The following CNTRL variants were observed in gnomAD, a reference collection of about 807,000 sequenced individuals.
CNTRL encodes centriolin.
A neutral mutation model predicts 303.7 loss-of-function variants in CNTRL; 233 were observed. That is an observed-to-expected ratio of 0.77 (90% confidence interval 0.69 to 0.86). The LOEUF (loss-of-function observed/expected upper bound fraction) is 0.86. Ranked by LOEUF, CNTRL falls within the 40% of genes least tolerant of loss-of-function variation. CNTRL has a pLI of 0.00. For synonymous variants in CNTRL, 900 were observed against 922.2 expected (o/e 0.98, Z 0.44); for missense variants, 2,524 against 2,650.6 (o/e 0.95, Z 1.05).
rs2133524181 is a variant in CNTRL at position 121,125,837 on chromosome 9, G to C, written c.1926G>C (p.Leu642=). The C allele has an allele frequency of 6.2e-7, 1 of 1,614,240 alleles. No homozygotes were observed. Among genetic ancestry groups the C allele is most frequent in the Non-Finnish European group, 8.5e-7 (1 of 1,180,044 alleles). Residue 642 remains leucine (L), a synonymous_variant, in exon 14 of 44, where the codon CTG becomes CTC. Transcript: ENST00000373855. ...AGGCCCAGAATGAGTGCAGGAAGCT[G>C]CGGGATGAGAAAGAGACATTGTTGC... is the stretch of plus-strand genomic sequence containing the variant. ...ATQAQNECRK[L]RDEKETLLQR...
At chr9:121,101,516 C>A (rs1416463155) in intron 7 of CNTRL, among the ~76,000 whole-genome samples, 2 of 152,060 alleles carry the variant, frequency 1.3e-5, no homozygotes, top group African/African-American at 4.8e-5. Context: ...CAAACACATT[C>A]AAAAGCTAGC....
chr9:121,130,836 T>C (rs1451981461), intron 14 of CNTRL, among the ~76,000 whole-genome samples: 4 of 152,262 alleles, frequency 2.6e-5, no homozygotes, highest in Non-Finnish European at 4.4e-5. Context: ...GTTGTGTCTT[T>C]GTTCTCATTG....
chr9:121,129,385 A>C (rs1214814281), intron 14 of CNTRL, among the ~76,000 whole-genome samples: 1 of 151,500 alleles, frequency 6.6e-6, no homozygotes, highest in Non-Finnish European at 1.5e-5. Context: ...TAGGTATTTT[A>C]CTCTCTTTGT....
At chr9:121,121,989 AAGG>A in intron 12 of CNTRL, 2 of 915,210 alleles carry the variant, frequency 2.2e-6, no homozygotes, top group Admixed American at 6.2e-5. Context: ...AAGGACTTAA[AAGG>A]AGGAGGAGTC....
chr9:121,128,746 G>A (rs965011002), intron 14 of CNTRL, among the ~76,000 whole-genome samples: 11 of 152,278 alleles, frequency 7.2e-5, no homozygotes, highest in Admixed American at 5.2e-4. Flanking sequence ...TATTGCCTAG[G>A]TTTTCTTCTA....
At chr9:121,120,704 C>T (rs2050186832) in intron 12 of CNTRL, among the ~76,000 whole-genome samples, 1 of 152,128 alleles carries the variant, frequency 6.6e-6, no homozygotes, top group Non-Finnish European at 1.5e-5. Context: ...TGTTATATTT[C>T]TGGCGGACAG....
chr9:121,138,081 A>G (rs2051292798), intron 15 of CNTRL, among the ~76,000 whole-genome samples: 1 of 152,224 alleles, frequency 6.6e-6, no homozygotes, highest in South Asian at 2.1e-4. Context: ...TGATAAATAC[A>G]GATTCCTTGG....
At position 121,172,644 on chromosome 9, in the gene CNTRL, AAAAAC is replaced by A. The variant is rs199726076; in HGVS notation, c.6418-584_6418-580del. On this transcript the variant is annotated intron_variant, in intron 40 of 43. Transcript: ENST00000373855. ...TGACAGAGCAAGACCCTGTCTTTAA[AAAAAC>A]AAAACAAAACAAAAATGTATATTGC... 8.3e-3 allele frequency among the ~76,000 whole-genome samples: 1,268 copies of A among 152,270 alleles called. 21 individuals carry two copies. Among genetic ancestry groups the A allele is most frequent in the African/African-American group, 0.029 (1,203 of 41,530 alleles).
In CNTRL at chr9:121,147,348, TTAATTATGTAGGCCA is replaced by T. The variant is rs560721056; in HGVS notation, c.3459+1109_3459+1123del. Among the ~76,000 whole-genome samples the T allele has an allele frequency of 1.0e-3, 156 of 152,330 alleles. 1 individual carries two copies. The highest frequency in any genetic ancestry group is 2.6e-3 in the African/African-American group (110 of 41,574). ...AAAAGGGCCTTAGAATCTCTTACAC[TTAATTATGTAGGCCA>T]TAATTATGTAGGCCATGAGAAATGG... On this transcript the variant is annotated intron_variant, in intron 23 of 43. Transcript: ENST00000373855.
At position 121,140,774 on chromosome 9, in the gene CNTRL, C is replaced by A; in HGVS notation, c.2471C>A (p.Thr824Asn). The change falls in exon 17 of 44, where the codon ACT becomes AAT. Residue 824 changes from threonine (T) to asparagine (N), a missense_variant. Transcript: ENST00000373855. ...CTAAGAAGAAAACTGAAATTAGGAACTGGGGAAATGAAGTAAGGAAAAAGC... is the reference window on the plus strand; with the variant it reads ...CTAAGAAGAAAACTGAAATTAGGAAATGGGGAAATGAAGTAAGGAAAAAGC... Reference protein sequence around the residue: ...DELRRKLKLGTGEMNIHSPSD... With the variant: ...DELRRKLKLGNGEMNIHSPSD... 1 of 1,611,630 alleles carries A rather than the reference C, an allele frequency of 6.2e-7. No individual in the cohort carries two copies.
At chr9:121,092,032 G>C (rs2048597976) in intron 4 of CNTRL, among the ~76,000 whole-genome samples, 1 of 146,970 alleles carries the variant, frequency 6.8e-6, no homozygotes, top group Admixed American at 6.9e-5. Context: ...GCACCAGGCA[G>C]TAATGCTAGA....
chr9:121,144,785 A>G, intron 20 of CNTRL, 58 bp from the exon 21 acceptor site: 2 of 1,307,754 alleles, frequency 1.5e-6, no homozygotes, highest in Non-Finnish European at 2.2e-6. Context: ...AAGAGGAAGA[A>G]ATGAAGAAGA....
chr9:121,134,530 C>T (rs935914542), intron 14 of CNTRL, among the ~76,000 whole-genome samples: 42 of 152,108 alleles, frequency 2.8e-4, no homozygotes, highest in African/African-American at 9.9e-4. Flanking sequence ...CTCCTGACTT[C>T]GTGATCCACC....
intron 12 of CNTRL, among the ~76,000 whole-genome samples, chr9:121,122,582 ACTTAAGAGT>A (rs1328617136): frequency 6.6e-6 from 1 of 152,164 alleles, no homozygotes; most frequent in Admixed American, 6.5e-5. Flanking sequence ...GTGGGTACCA[ACTTAAGAGT>A]CATGAAGGTG....
chr9:121,154,581 A>G (rs182780415), intron 26 of CNTRL, 140 bp from the exon 27 acceptor site: 26 of 580,010 alleles, frequency 4.5e-5, no homozygotes, highest in Non-Finnish European at 7.0e-5. Context: ...GACCTTGAAC[A>G]AAATCAAATG....
intron 42 of CNTRL, among the ~76,000 whole-genome samples, chr9:121,174,392 A>G (rs1229429386): frequency 6.6e-6 from 1 of 152,220 alleles, no homozygotes; most frequent in African/African-American, 2.4e-5. Flanking sequence ...TTAAATTTTA[A>G]TAAATTATAA....
chr9:121,156,594 T>A (rs575495624), intron 27 of CNTRL, among the ~76,000 whole-genome samples: 13 of 152,296 alleles, frequency 8.5e-5, no homozygotes, highest in African/African-American at 2.9e-4. Context: ...AAATTTAACA[T>A]ACGGACTCCT....
In CNTRL at chr9:121,169,675, G is replaced by A. The variant is rs368876846; in HGVS notation, c.6135G>A (p.Gln2045=). 1 of 1,614,062 alleles carries A rather than the reference G, an allele frequency of 6.2e-7. No individual in the cohort carries two copies. The highest frequency in any genetic ancestry group is 8.5e-7 in the Non-Finnish European group (1 of 1,180,032). ...AATCAGGTGAGCTGTTGGCCCTCCA[G>A]AAAGAGGCAGATTCTATGAGGGCAG... The part of the protein sequence containing the change: ...VEKSGELLAL[Q]KEADSMRADF... Residue 2045 remains glutamine (Q), a synonymous_variant, in exon 39 of 44, where the codon CAG becomes CAA. Transcript: ENST00000373855.
At chr9:121,171,646 T>C (rs1241921803) in intron 40 of CNTRL, 98 bp downstream of exon 40, 42 of 1,236,644 alleles carry the variant, frequency 3.4e-5, no homozygotes, top group Non-Finnish European at 1.1e-6. Flanking sequence ...TATAGTAGTA[T>C]AGAAAAGCTG....
Sources: gnomAD v4.1 joint callset for allele counts (sites outside exome capture counted in the v4.1 genomes callset) on GRCh38, gnomAD v4.1.1 for gene constraint, MANE v1.5 for transcripts, NCBI Gene and HGNC (gene_info 2026-07-23, HGNC 2026-07-21) for gene names.